FRS2: variants seen among roughly 807,000 people sequenced by gnomAD.
FRS2 encodes the protein fibroblast growth factor receptor substrate 2, also known as FGFR signalling adaptor.
Under a neutral mutation model 43.9 loss-of-function variants are expected in FRS2, and 8 were observed. The ratio of observed to expected loss-of-function variants is 0.18; its 90% CI spans 0.11 to 0.33. FRS2 has a LOEUF of 0.33. Ranked by LOEUF, FRS2 falls within the 10% of genes least tolerant of loss-of-function variation. The pLI is 1.00. For synonymous variants in FRS2, 219 were observed against 220.3 expected, an observed-to-expected ratio of 0.99 and a Z score of 0.05; for missense variants, 534 against 627.6, an observed-to-expected ratio of 0.85 and a Z score of 1.59.
intron 3 of FRS2, among the ~76,000 whole-genome samples, chr12:69,552,302 C>CAAAAAAA (rs35353764): frequency 5.8e-5 from 3 of 51,360 alleles, no homozygotes; most frequent in African/African-American, 1.7e-4. Flanking sequence ...AACTCCGTCT[C>CAAAAAAA]AAAAAAAAAA....
intron 1 of FRS2, among the ~76,000 whole-genome samples, chr12:69,496,557 A>G (rs567073625): frequency 6.6e-6 from 1 of 152,336 alleles, no homozygotes; most frequent in East Asian, 1.9e-4. Context: ...TCAAAACAGC[A>G]ACCTAGTTTG....
At chr12:69,473,398 T>C (rs998204736) in intron 1 of FRS2, among the ~76,000 whole-genome samples, 1 of 152,128 alleles carries the variant, frequency 6.6e-6, no homozygotes, top group Non-Finnish European at 1.5e-5. Flanking sequence ...GATTTATGGA[T>C]TGGGAGTAGG....
At chr12:69,507,533 G>C (rs186258600) in intron 1 of FRS2, among the ~76,000 whole-genome samples, 165 of 152,246 alleles carry the variant, frequency 1.1e-3, no homozygotes, top group African/African-American at 3.7e-3. Context: ...AGGCCTCATA[G>C]CTTTTCTCTT....
intron 1 of FRS2, among the ~76,000 whole-genome samples, chr12:69,524,385 CA>C (rs1875994875): frequency 6.6e-6 from 1 of 151,794 alleles, no homozygotes; most frequent in South Asian, 2.1e-4. Flanking sequence ...CAAAGCAGCA[CA>C]GGGGAGGGCA....
chr12:69,511,870 T>C (rs905130087), intron 1 of FRS2, among the ~76,000 whole-genome samples: 16 of 152,224 alleles, frequency 1.1e-4, no homozygotes, highest in African/African-American at 3.9e-4. Flanking sequence ...TCAGTAAATA[T>C]TGGCTGCTCT....
At chr12:69,558,112 G>A (rs1879586553) in intron 3 of FRS2, among the ~76,000 whole-genome samples, 1 of 152,054 alleles carries the variant, frequency 6.6e-6, no homozygotes, top group Non-Finnish European at 1.5e-5. Flanking sequence ...GTGAGATATG[G>A]GGTTAAAGTG....
At chr12:69,550,349 T>C (rs1878767186) in intron 3 of FRS2, among the ~76,000 whole-genome samples, 1 of 152,216 alleles carries the variant, frequency 6.6e-6, no homozygotes, top group Admixed American at 6.5e-5. Context: ...AGTTATTGCA[T>C]GCAACAACCA....
Position 69,490,431 on chromosome 12 carries a change from G to GT in FRS2, c.-261+19917dup, listed in dbSNP as rs5798936. The stretch of plus-strand genomic sequence containing the variant: ...AGAAAAATACCTTGAAAATGTGTGG[G>GT]TTTTTTTTTTTTTTTTGGCATTTGA... On this transcript the variant is annotated intron_variant, in intron 1 of 8. Coordinates refer to ENST00000549921, the MANE Select transcript of FRS2 (RefSeq NM_001278356.2). Among the ~76,000 whole-genome samples, 583 of 133,316 alleles carry GT rather than the reference G, an allele frequency of 4.4e-3. 2 individuals are homozygous for GT. Among genetic ancestry groups the GT allele is most frequent in the Middle Eastern group, 0.023 (6 of 264 alleles). The allele number at this position is 133,316 out of a possible 152,430, so 87.5% of individuals were successfully genotyped here.
At chr12:69,573,322 C>T (rs11177725) in intron 8 of FRS2, among the ~76,000 whole-genome samples, 4,875 of 152,096 alleles carry the variant, frequency 0.032, 242 homozygotes, top group African/African-American at 0.11. Context: ...TTTTCAAAGT[C>T]GTTATTTATT....
chr12:69,559,501 CATATTCATG>C (rs1879704649), intron 3 of FRS2, among the ~76,000 whole-genome samples: 1 of 151,798 alleles, frequency 6.6e-6, no homozygotes, highest in African/African-American at 2.4e-5. Context: ...CAAATACAAC[CATATTCATG>C]GATGGATGCT....
At chr12:69,507,576 A>G (rs1430838633) in intron 1 of FRS2, among the ~76,000 whole-genome samples, 1 of 152,196 alleles carries the variant, frequency 6.6e-6, no homozygotes, top group Non-Finnish European at 1.5e-5. Context: ...TTTTTAAAAA[A>G]TTTAATAGAC....
chr12:69,572,869 C>T (rs930712499), intron 8 of FRS2, among the ~76,000 whole-genome samples: 2 of 152,180 alleles, frequency 1.3e-5, no homozygotes, highest in African/African-American at 2.4e-5. Context: ...CTTGGTCTGT[C>T]GCCCAGGCTG....
At position 69,535,655 on chromosome 12, in the gene FRS2, G is replaced by A. The variant is rs148570714; in HGVS notation, c.-122+3599G>A. Among the ~76,000 whole-genome samples, 809 of 151,878 alleles carry A rather than the reference G, an allele frequency of 5.3e-3. 2 individuals carry two copies. Among genetic ancestry groups the A allele is most frequent in the Non-Finnish European group, 7.1e-3 (484 of 67,900 alleles). ...TATTTAGAAAGAATGCAGCTTTTTCGGTTATTAAGTACAGTGTTATATTTA... is the reference window on the plus strand; with the variant it reads ...TATTTAGAAAGAATGCAGCTTTTTCAGTTATTAAGTACAGTGTTATATTTA... On this transcript the variant is annotated intron_variant, in intron 3 of 8. Coordinates refer to ENST00000549921, the MANE Select transcript of FRS2 (RefSeq NM_001278356.2).
At chr12:69,485,459 G>A (rs563874733) in intron 1 of FRS2, among the ~76,000 whole-genome samples, 24 of 152,036 alleles carry the variant, frequency 1.6e-4, no homozygotes, top group African/African-American at 5.8e-4. Context: ...TGGGATTACA[G>A]GCGTGAGCCA....
intron 3 of FRS2, among the ~76,000 whole-genome samples, chr12:69,536,568 T>A (rs1877335186): frequency 7.9e-6 from 1 of 127,174 alleles, no homozygotes; most frequent in African/African-American, 3.4e-5. Context: ...GATTTAGTTT[T>A]TTTTTTTTTA....
At chr12:69,473,610 G>A (rs1870504389) in intron 1 of FRS2, among the ~76,000 whole-genome samples, 1 of 152,188 alleles carries the variant, frequency 6.6e-6, no homozygotes, top group Non-Finnish European at 1.5e-5. Context: ...TTAGAAGTTT[G>A]ACATTTGGGG....
At chr12:69,544,612 C>T (rs1284939817) in intron 3 of FRS2, among the ~76,000 whole-genome samples, 1 of 151,962 alleles carries the variant, frequency 6.6e-6, no homozygotes, top group Non-Finnish European at 1.5e-5. Flanking sequence ...GAGGCTGAGG[C>T]AGGAGAATCA....
chr12:69,551,118 G>A (rs1178025859), intron 3 of FRS2, among the ~76,000 whole-genome samples: 1 of 152,120 alleles, frequency 6.6e-6, no homozygotes, highest in African/African-American at 2.4e-5. Context: ...TTGGGAGGCC[G>A]AGGCAGGAGT....
At chr12:69,479,554 C>A (rs191387675) in intron 1 of FRS2, among the ~76,000 whole-genome samples, 5 of 151,722 alleles carry the variant, frequency 3.3e-5, no homozygotes, top group African/African-American at 1.2e-4. Flanking sequence ...TGTACCACCA[C>A]GCCTGGCTAA....
Sources: allele counts gnomAD v4.1 joint callset (sites outside exome capture counted in the v4.1 genomes callset), GRCh38; gene constraint gnomAD v4.1.1; transcripts MANE v1.5; gene names NCBI Gene and HGNC (gene_info 2026-07-23, HGNC 2026-07-21).